SNX29: variants seen among roughly 807,000 people sequenced by gnomAD.
The protein encoded by SNX29 is sorting nexin-29.
SNX29 carries 78 observed loss-of-function variants against 102.1 expected under a neutral mutation model. That is an observed-to-expected ratio of 0.76 (90% confidence interval 0.64 to 0.92). The LOEUF (loss-of-function observed/expected upper bound fraction) is 0.92. SNX29 is among the 40% of genes least tolerant of loss of function. The pLI, the probability that SNX29 is intolerant of heterozygous loss-of-function variation, is 0.00. For missense variants in SNX29, 1,280 were observed against 1,061.7 expected (o/e 1.21, Z -2.86); for synonymous variants, 580 against 414.5 (o/e 1.40, Z -4.85).
At chr16:12,299,391 C>T (rs2080087063) in intron 15 of SNX29, among the ~76,000 whole-genome samples, 1 of 152,162 alleles carries the variant, frequency 6.6e-6, no homozygotes, top group Non-Finnish European at 1.5e-5. Context: ...TCAAGTTGTC[C>T]TATCTTCAGC....
chr16:12,401,262 C>A (rs77304489), intron 17 of SNX29, among the ~76,000 whole-genome samples: 1 of 152,044 alleles, frequency 6.6e-6, no homozygotes. Context: ...CTGTAACTTT[C>A]CAGGAAAGAC....
intron 18 of SNX29, among the ~76,000 whole-genome samples, chr16:12,423,196 G>GT (rs57076200): frequency 0.014 from 1,970 of 145,868 alleles, 14 homozygotes; most frequent in African/African-American, 0.021. Context: ...GCATGGGGTT[G>GT]TTTTTTTTTT....
intron 14 of SNX29, among the ~76,000 whole-genome samples, chr16:12,233,840 A>T (rs1053050211): frequency 1.1e-4 from 16 of 152,074 alleles, no homozygotes; most frequent in Non-Finnish European, 1.5e-5. Context: ...ACTTCATATC[A>T]GTGGAATGAT....
intron 15 of SNX29, among the ~76,000 whole-genome samples, chr16:12,350,266 A>T (rs1428908343): frequency 6.6e-6 from 1 of 152,208 alleles, no homozygotes; most frequent in Non-Finnish European, 1.5e-5. Flanking sequence ...ATGCATCTGT[A>T]CTGAACGTGT....
At chr16:12,425,565 A>T (rs1360968687) in intron 18 of SNX29, among the ~76,000 whole-genome samples, 8 of 150,862 alleles carry the variant, frequency 5.3e-5, no homozygotes, top group Admixed American at 2.0e-4. Flanking sequence ...AAAAAGAGGG[A>T]ATAGAAAACA....
intron 10 of SNX29, among the ~76,000 whole-genome samples, chr16:12,070,590 G>T (rs139811356): frequency 0.018 from 2,736 of 151,710 alleles, 64 homozygotes; most frequent in African/African-American, 0.045. Flanking sequence ...TTGGACATTC[G>T]GGTTGGTTCC....
At chr16:12,140,433 G>T (rs73519817) in intron 13 of SNX29, among the ~76,000 whole-genome samples, 3,725 of 152,302 alleles carry the variant, frequency 0.024, 164 homozygotes, top group African/African-American at 0.086. Flanking sequence ...GCTGGGGGTG[G>T]CTGGCTTTCC....
intron 15 of SNX29, among the ~76,000 whole-genome samples, chr16:12,325,086 T>A (rs748489473): frequency 2.0e-5 from 3 of 152,182 alleles, no homozygotes; most frequent in Non-Finnish European, 4.4e-5. Context: ...AGTTTTTAAC[T>A]GACTTTCCTT....
intron 15 of SNX29, among the ~76,000 whole-genome samples, chr16:12,279,990 G>A (rs1024064170): frequency 1.3e-5 from 2 of 152,190 alleles, no homozygotes; most frequent in South Asian, 4.1e-4. Flanking sequence ...TCCAGGCAGC[G>A]CTCTCCGTGG....
At chr16:12,128,732 G>A (rs1217222515) in intron 12 of SNX29, among the ~76,000 whole-genome samples, 1 of 152,106 alleles carries the variant, frequency 6.6e-6, no homozygotes, top group Non-Finnish European at 1.5e-5. Flanking sequence ...GATTACAGGC[G>A]TGAGCCACCC....
intron 11 of SNX29, among the ~76,000 whole-genome samples, chr16:12,085,473 C>T (rs536548561): frequency 7.9e-5 from 12 of 152,134 alleles, no homozygotes; most frequent in Non-Finnish European, 1.8e-4. Flanking sequence ...ATTAAAGGCA[C>T]GCGCCACCAC....
chr16:11,993,295 C>T (rs766761908), intron 1 of SNX29, among the ~76,000 whole-genome samples: 7 of 152,224 alleles, frequency 4.6e-5, no homozygotes, highest in Admixed American at 2.6e-4. Context: ...GGAATATAGC[C>T]GGAGTGCCTG....
chr16:12,540,091 G>A (rs928966083), intron 20 of SNX29, among the ~76,000 whole-genome samples: 3 of 152,086 alleles, frequency 2.0e-5, no homozygotes, highest in African/African-American at 4.8e-5. Flanking sequence ...CCAATTGTTA[G>A]CCTAAACCCA....
intron 13 of SNX29, among the ~76,000 whole-genome samples, chr16:12,160,885 T>C (rs973911916): frequency 6.6e-6 from 1 of 152,236 alleles, no homozygotes; most frequent in African/African-American, 2.4e-5. Context: ...GCTTTCTCTT[T>C]TGGGTCTGAA....
chr16:12,568,102 G>C (rs11643633), intron 20 of SNX29, among the ~76,000 whole-genome samples: 2 of 151,934 alleles, frequency 1.3e-5, no homozygotes, highest in African/African-American at 2.4e-5. Flanking sequence ...GTTTTGCTAC[G>C]CATCTTGTGT....
chr16:12,553,790 G>A (rs1307882269), intron 20 of SNX29, among the ~76,000 whole-genome samples: 5 of 151,974 alleles, frequency 3.3e-5, no homozygotes, highest in Non-Finnish European at 5.9e-5. Flanking sequence ...GTTTCACCAT[G>A]TTGGTCAGGC....
intron 11 of SNX29, among the ~76,000 whole-genome samples, chr16:12,125,253 C>T (rs1386538376): frequency 6.6e-6 from 1 of 152,146 alleles, no homozygotes; most frequent in African/African-American, 2.4e-5. Context: ...TGCCAGCTCT[C>T]GGTCCCTTTC....
chr16:12,513,351 C>T (rs1321921122), intron 19 of SNX29, among the ~76,000 whole-genome samples: 1 of 150,550 alleles, frequency 6.6e-6, no homozygotes, highest in Non-Finnish European at 1.5e-5. Flanking sequence ...CTGCCCTGCT[C>T]TCTTCTCCTC....
At chr16:12,222,078 C>G (rs1014572644) in intron 14 of SNX29, among the ~76,000 whole-genome samples, 1 of 152,220 alleles carries the variant, frequency 6.6e-6, no homozygotes, top group East Asian at 1.9e-4. Context: ...GTTTGAAGAT[C>G]TGTACATTGA....
Sources: gnomAD v4.1 joint callset for allele counts (sites outside exome capture counted in the v4.1 genomes callset) on GRCh38, gnomAD v4.1.1 for gene constraint, MANE v1.5 for transcripts, NCBI Gene and HGNC (gene_info 2026-07-23, HGNC 2026-07-21) for gene names.